Variants in HVCN1 observed in about 807,000 individuals in gnomAD.
The protein encoded by HVCN1 is voltage-gated hydrogen channel 1.
Under a neutral mutation model 29.2 loss-of-function variants are expected in HVCN1, and 14 were observed. The observed-to-expected ratio is 0.48, with a 90% CI of 0.32 to 0.75. The LOEUF (loss-of-function observed/expected upper bound fraction) is 0.75, where lower values mean the gene tolerates loss of function less well. Among genes scored for constraint, HVCN1 ranks in the 30% least tolerant of loss-of-function variants. The pLI, the probability that HVCN1 is intolerant of heterozygous loss-of-function variation, is 0.04. For synonymous variants in HVCN1, 131 were observed against 133.2 expected (o/e 0.98, Z 0.11); for missense variants, 263 against 341.8 (o/e 0.77, Z 1.82).
chr12:110,693,528 G>A (rs1401579136), upstream of HVCN1, among the ~76,000 whole-genome samples: 1 of 150,330 alleles, frequency 6.7e-6, no homozygotes, highest in Non-Finnish European at 1.5e-5. Context: ...TGGGCAACAA[G>A]AGTGAAACTC....
rs1244127964 is a variant in HVCN1, at chr12:110,656,679, G to A, written c.307-1341C>T. Among the ~76,000 whole-genome samples the A allele has an allele frequency of 5.3e-5, 8 of 152,292 alleles. No individual in the cohort carries two copies. In the East Asian group the frequency reaches 1.3e-3, roughly 26 times the overall value. The stretch of plus-strand genomic sequence containing the variant: ...ATCTTGGCAATTTCTGCAGTTTCAG[G>A]TTAAAATTAAACAAGTTCAGGCCTC... On this transcript the variant is annotated intron_variant, in intron 4 of 7. Coordinates refer to ENST00000242607, the MANE Select transcript of HVCN1 (RefSeq NM_032369.4).
chr12:110,694,177 C>G (rs2069455104), upstream of HVCN1, among the ~76,000 whole-genome samples: 1 of 152,230 alleles, frequency 6.6e-6, no homozygotes, highest in African/African-American at 2.4e-5. This position sits in a 1 kb window ranked among gnomAD's most constrained non-coding sequence, Gnocchi z 4.6. Flanking sequence ...ATCCTCCCAT[C>G]TTAGCCTCCT....
intron 3 of HVCN1, among the ~76,000 whole-genome samples, chr12:110,678,378 T>A (rs1331389709): frequency 6.6e-6 from 1 of 151,488 alleles, no homozygotes; most frequent in Non-Finnish European, 1.5e-5. Flanking sequence ...TGTACACACA[T>A]TCCATAACTA....
At chr12:110,656,831 A>G (rs2068007024) in intron 4 of HVCN1, among the ~76,000 whole-genome samples, 1 of 152,216 alleles carries the variant, frequency 6.6e-6, no homozygotes. Context: ...AAGTTTTCAC[A>G]CATATTCAAA....
chr12:110,671,935 C>T (rs961571196), intron 3 of HVCN1, among the ~76,000 whole-genome samples: 5 of 152,152 alleles, frequency 3.3e-5, no homozygotes, highest in Non-Finnish European at 5.9e-5. Context: ...CACCGTGCCG[C>T]ACATTTTGGC....
intron 2 of HVCN1, among the ~76,000 whole-genome samples, chr12:110,685,348 G>A (rs1348169698): frequency 6.6e-6 from 1 of 152,226 alleles, no homozygotes; most frequent in East Asian, 1.9e-4. Context: ...CCCAGAGCCT[G>A]CAGCAGCAAC....
intron 2 of HVCN1, among the ~76,000 whole-genome samples, chr12:110,687,271 GC>G (rs2069226209): frequency 7.3e-6 from 1 of 137,572 alleles, no homozygotes; most frequent in African/African-American, 3.1e-5. Context: ...CCCCCCCCCA[GC>G]TAAGCACTGG....
chr12:110,679,462 G>C (rs1159091597), intron 3 of HVCN1, among the ~76,000 whole-genome samples: 1 of 152,176 alleles, frequency 6.6e-6, no homozygotes, highest in Non-Finnish European at 1.5e-5. Context: ...TTAAATGCAG[G>C]CTCGAGCCAG....
chr12:110,656,726 CT>C (rs2068003953), intron 4 of HVCN1, among the ~76,000 whole-genome samples: 1 of 152,178 alleles, frequency 6.6e-6, no homozygotes, highest in South Asian at 2.1e-4. Context: ...ACTATTAATC[CT>C]TTGATCCTTT....
rs575974239 is a variant in HVCN1 at position 110,669,953 on chromosome 12, G to A, written c.22-8505C>T. On this transcript the variant is annotated intron_variant, in intron 3 of 7. Transcript: ENST00000242607. ...TGCCTGTAATCCCAGCTACCTGGGA[G>A]GCTGAGGCTGCAGTGAGCCAAGATT... is the stretch of plus-strand genomic sequence containing the variant. 2.6e-5 allele frequency among the ~76,000 whole-genome samples: 4 copies of A among 152,304 alleles called. No individual in the cohort carries two copies. The East Asian group carries it at 7.7e-4, about 29-fold the overall frequency.
At chr12:110,660,038 G>A (rs1376796848) in intron 4 of HVCN1, among the ~76,000 whole-genome samples, 1 of 151,702 alleles carries the variant, frequency 6.6e-6, no homozygotes. Context: ...ACTCCAGCCT[G>A]GGTGACAGAG....
intron 3 of HVCN1, among the ~76,000 whole-genome samples, chr12:110,669,781 C>A (rs1013765635): frequency 6.6e-6 from 1 of 152,122 alleles, no homozygotes; most frequent in African/African-American, 2.4e-5. Flanking sequence ...AGAGGCCGGG[C>A]GCGGTGGCTC....
intron 3 of HVCN1, among the ~76,000 whole-genome samples, chr12:110,671,885 A>G (rs2136361719): frequency 6.6e-6 from 1 of 152,256 alleles, no homozygotes; most frequent in South Asian, 2.1e-4. Context: ...CACAAGGGCA[A>G]ACTGAGGCCT....
At chr12:110,686,438 G>A (rs1463359762) in intron 2 of HVCN1, among the ~76,000 whole-genome samples, 1 of 152,128 alleles carries the variant, frequency 6.6e-6, no homozygotes, top group Non-Finnish European at 1.5e-5. Flanking sequence ...GCAACTTCTG[G>A]ACCCAGCAGA....
At position 110,652,480 on chromosome 12, in the gene HVCN1, C is replaced by T. The variant is rs144598397; in HGVS notation, c.412-1032G>A. On this transcript the variant is annotated intron_variant, in intron 5 of 7. Coordinates refer to ENST00000242607, the MANE Select transcript of HVCN1 (RefSeq NM_032369.4). ...AGGGGAGGTACAATGTGGGCAAGGACGTCTTTTGCCAGCAAGGAAGTCTTC... is the reference window on the plus strand; with the variant it reads ...AGGGGAGGTACAATGTGGGCAAGGATGTCTTTTGCCAGCAAGGAAGTCTTC... Among the ~76,000 whole-genome samples, 407 of 152,258 alleles carry T rather than the reference C, an allele frequency of 2.7e-3. 2 individuals are homozygous for T. Among genetic ancestry groups the T allele is most frequent in the African/African-American group, 8.8e-3 (365 of 41,564 alleles).
chr12:110,680,938 AAAAC>A (rs1455000467), intron 3 of HVCN1, among the ~76,000 whole-genome samples: 1 of 152,232 alleles, frequency 6.6e-6, no homozygotes, highest in East Asian at 1.9e-4. Flanking sequence ...TCAAAAAAAC[AAAAC>A]AAAAAAAGGC....
chr12:110,696,759 T>A (rs2069499284), intron 2 of HVCN1, among the ~76,000 whole-genome samples: 1 of 152,196 alleles, frequency 6.6e-6, no homozygotes, highest in Non-Finnish European at 1.5e-5. Context: ...TGGTCCTTCA[T>A]TCCTTTTATG....
At chr12:110,697,746 G>C (rs914536800) in intron 2 of HVCN1, among the ~76,000 whole-genome samples, 2 of 151,556 alleles carry the variant, frequency 1.3e-5, no homozygotes, top group African/African-American at 2.4e-5. Flanking sequence ...CGTCTCCCAG[G>C]TTCAAGCGAT....
intron 3 of HVCN1, among the ~76,000 whole-genome samples, chr12:110,679,364 G>A (rs1265334096): frequency 6.6e-6 from 1 of 152,208 alleles, no homozygotes; most frequent in African/African-American, 2.4e-5. Flanking sequence ...GGTGGCTGCT[G>A]AGTGCAGTCA....
Sources: gnomAD v4.1 joint callset for allele counts (sites outside exome capture counted in the v4.1 genomes callset) on GRCh38, gnomAD v4.1.1 for gene constraint, Gnocchi (gnomAD v3.1) non-coding constraint, MANE v1.5 for transcripts, NCBI Gene and HGNC (gene_info 2026-07-23, HGNC 2026-07-21) for gene names.